The following KCND2 variants were observed in gnomAD, a reference collection of about 807,000 sequenced individuals.
The protein encoded by KCND2 is A-type voltage-gated potassium channel KCND2.
Under a neutral mutation model 54.4 loss-of-function variants are expected in KCND2, and 16 were observed. That is an observed-to-expected ratio of 0.29 (90% CI 0.20 to 0.45). The LOEUF (loss-of-function observed/expected upper bound fraction) is 0.45, where lower values mean the gene tolerates loss of function less well. Ranked by LOEUF, KCND2 falls within the 20% of genes least tolerant of loss-of-function variation. The probability of loss-of-function intolerance (pLI) is 1.00; values close to 1 mark genes in which losing one functional copy is unlikely to be tolerated. For synonymous variants in KCND2, 317 were observed against 310.7 expected, an observed-to-expected ratio of 1.02 and a Z score of -0.21; for missense variants, 486 against 824.2, an observed-to-expected ratio of 0.59 and a Z score of 5.02.
intron 1 of KCND2, among the ~76,000 whole-genome samples, chr7:120,543,107 C>T (rs975181861): frequency 7.9e-5 from 12 of 151,924 alleles, no homozygotes; most frequent in Non-Finnish European, 1.2e-4. Flanking sequence ...TTGCATGTTT[C>T]GTGGAATTTC....
Position 120,607,821 on chromosome 7 carries a change from G to A in KCND2, c.1116-125082G>A, listed in dbSNP as rs549422348. 2.6e-5 allele frequency among the ~76,000 whole-genome samples: 4 copies of A among 152,066 alleles called. 1 individual carries two copies. The highest frequency in any genetic ancestry group is 2.6e-4 in the Admixed American group (4 of 15,260). ...GTGGTATTAGAATATGCAGGATGGA[G>A]GAAGAACATTTTTTAGACAAAGGAA... On this transcript the variant is annotated intron_variant, in intron 1 of 5. Coordinates refer to ENST00000331113, the MANE Select transcript of KCND2 (RefSeq NM_012281.3).
chr7:120,307,825 A>T (rs540633405), intron 1 of KCND2, among the ~76,000 whole-genome samples: 6 of 152,130 alleles, frequency 3.9e-5, no homozygotes, highest in African/African-American at 1.4e-4. Context: ...GGGCTATTTC[A>T]TTAACAAATT....
At chr7:120,540,370 A>C (rs1170867057) in intron 1 of KCND2, among the ~76,000 whole-genome samples, 1 of 152,192 alleles carries the variant, frequency 6.6e-6, no homozygotes, top group Non-Finnish European at 1.5e-5. Context: ...TATATCTATA[A>C]ATTTACAATA....
chr7:120,720,549 A>G (rs917471340), intron 1 of KCND2, among the ~76,000 whole-genome samples: 1 of 152,100 alleles, frequency 6.6e-6, no homozygotes, highest in African/African-American at 2.4e-5. Flanking sequence ...AGTGGAAAGC[A>G]CTGGCAGGAG....
chr7:120,492,190 A>C (rs1802792159), intron 1 of KCND2, among the ~76,000 whole-genome samples: 1 of 151,900 alleles, frequency 6.6e-6, no homozygotes, highest in Admixed American at 6.6e-5. Flanking sequence ...TAAAAAGTGA[A>C]ACACACACAC....
At chr7:120,419,302 A>T (rs1801573215) in intron 1 of KCND2, among the ~76,000 whole-genome samples, 1 of 152,140 alleles carries the variant, frequency 6.6e-6, no homozygotes, top group Non-Finnish European at 1.5e-5. Flanking sequence ...ATGCATTGCT[A>T]AAGGGCCTGG....
chr7:120,372,401 A>G (rs1800777332), intron 1 of KCND2, among the ~76,000 whole-genome samples: 1 of 151,916 alleles, frequency 6.6e-6, no homozygotes, highest in Non-Finnish European at 1.5e-5. Flanking sequence ...TCAAAATTTA[A>G]TATTACAGCT....
chr7:120,509,225 A>C (rs1277027860), intron 1 of KCND2, among the ~76,000 whole-genome samples: 1 of 151,762 alleles, frequency 6.6e-6, no homozygotes, highest in Non-Finnish European at 1.5e-5. Flanking sequence ...ATCCTGGAAC[A>C]AAAAAAATAA....
chr7:120,591,512 T>C (rs1019563669), intron 1 of KCND2, among the ~76,000 whole-genome samples: 2 of 152,182 alleles, frequency 1.3e-5, no homozygotes, highest in Admixed American at 1.3e-4. Flanking sequence ...AGTAATGCAG[T>C]GGAAAGTCCT....
chr7:120,345,534 C>A (rs1800304587), intron 1 of KCND2, among the ~76,000 whole-genome samples: 1 of 152,136 alleles, frequency 6.6e-6, no homozygotes, highest in African/African-American at 2.4e-5. Context: ...TATTAAGCAA[C>A]AGCATCCCGT....
intron 1 of KCND2, among the ~76,000 whole-genome samples, chr7:120,538,180 G>C (rs1791934782): frequency 6.6e-6 from 1 of 152,110 alleles, no homozygotes; most frequent in African/African-American, 2.4e-5. Context: ...AGGGACCAGA[G>C]AGGGCAAAGG....
intron 1 of KCND2, among the ~76,000 whole-genome samples, chr7:120,309,589 T>C (rs1298604851): frequency 2.6e-5 from 4 of 151,016 alleles, no homozygotes; most frequent in Non-Finnish European, 5.9e-5. Context: ...CTGACACAGA[T>C]CATTATATGC....
chr7:120,665,711 C>T (rs759854866), intron 1 of KCND2, among the ~76,000 whole-genome samples: 29 of 152,006 alleles, frequency 1.9e-4, no homozygotes, highest in Non-Finnish European at 2.8e-4. Context: ...ATTCTCTTTA[C>T]GATAATTGAC....
chr7:120,324,655 C>G (rs989055008), intron 1 of KCND2, among the ~76,000 whole-genome samples: 10 of 150,750 alleles, frequency 6.6e-5, no homozygotes, highest in Non-Finnish European at 1.3e-4. Flanking sequence ...TTCCATTGAT[C>G]TATAACTCTG....
intron 1 of KCND2, among the ~76,000 whole-genome samples, chr7:120,375,237 A>G (rs1331035987): frequency 6.6e-6 from 1 of 151,888 alleles, no homozygotes; most frequent in Non-Finnish European, 1.5e-5. Context: ...AAGAACAAAC[A>G]TTTTTGCAGG....
At chr7:120,616,767 A>C (rs1165969671) in intron 1 of KCND2, among the ~76,000 whole-genome samples, 1 of 152,072 alleles carries the variant, frequency 6.6e-6, no homozygotes, top group Admixed American at 6.6e-5. Context: ...TGTGTGTGTT[A>C]GGTTATAATG....
intron 1 of KCND2, among the ~76,000 whole-genome samples, chr7:120,711,420 G>C (rs1267375719): frequency 2.0e-5 from 3 of 152,130 alleles, no homozygotes; most frequent in Non-Finnish European, 4.4e-5. Flanking sequence ...TTACAAAGAT[G>C]CTTAAAGCAG....
At chr7:120,590,139 C>G (rs895556662) in intron 1 of KCND2, among the ~76,000 whole-genome samples, 3 of 152,316 alleles carry the variant, frequency 2.0e-5, no homozygotes, top group African/African-American at 7.2e-5. Context: ...GTGCCTCAGC[C>G]TCTCGAGTGG....
chr7:120,298,806 C>T (rs1022106051), intron 1 of KCND2, among the ~76,000 whole-genome samples: 1 of 152,178 alleles, frequency 6.6e-6, no homozygotes, highest in Non-Finnish European at 1.5e-5. Flanking sequence ...GTAGCGAAGT[C>T]TTACGCTTTA....
Sources: allele counts gnomAD v4.1 joint callset (sites outside exome capture counted in the v4.1 genomes callset), GRCh38; gene constraint gnomAD v4.1.1; transcripts MANE v1.5; gene names NCBI Gene and HGNC (gene_info 2026-07-23, HGNC 2026-07-21).